Variants in CTNNA2 observed in about 807,000 individuals in gnomAD.
CTNNA2 encodes the protein catenin alpha 2.
A neutral mutation model predicts 101.0 loss-of-function variants in CTNNA2; 42 were observed. The ratio of observed to expected loss-of-function variants is 0.42; its 90% CI spans 0.32 to 0.54. The LOEUF (loss-of-function observed/expected upper bound fraction) is 0.54, where lower values mean the gene tolerates loss of function less well. Ranked by LOEUF, CTNNA2 falls within the 20% of genes least tolerant of loss-of-function variation. The pLI, the probability that CTNNA2 is intolerant of heterozygous loss-of-function variation, is 0.14. For synonymous variants in CTNNA2, 450 were observed against 456.4 expected, an observed-to-expected ratio of 0.99 and a Z score of 0.18; for missense variants, 871 against 1,223.1, an observed-to-expected ratio of 0.71 and a Z score of 4.29.
chr2:79,658,104 AG>A (rs1348553271), intron 2 of CTNNA2, among the ~76,000 whole-genome samples: 2 of 151,964 alleles, frequency 1.3e-5, no homozygotes, highest in Non-Finnish European at 2.9e-5. Flanking sequence ...AAAAATTATA[AG>A]GTCAATTATT....
intron 2 of CTNNA2, among the ~76,000 whole-genome samples, chr2:79,730,491 C>T (rs1003898560): frequency 1.3e-5 from 2 of 151,870 alleles, no homozygotes; most frequent in Non-Finnish European, 1.5e-5. Context: ...TTGTGTTAAA[C>T]TTATCTCCCT....
chr2:80,399,203 G>A (rs115274094), intron 8 of CTNNA2, among the ~76,000 whole-genome samples: 2,245 of 151,722 alleles, frequency 0.015, 41 homozygotes, highest in African/African-American at 0.036. Context: ...GTACAGTCAC[G>A]CTACCTCTAC....
intron 7 of CTNNA2, among the ~76,000 whole-genome samples, chr2:79,930,300 GAAAGAA>G (rs1295289536): frequency 0.012 from 413 of 34,418 alleles, 3 homozygotes; most frequent in African/African-American, 0.049. Context: ...GAAAGAGAAA[GAAAGAA>G]AGAAAGAAAG....
intron 4 of CTNNA2, among the ~76,000 whole-genome samples, chr2:79,464,445 C>T (rs1217804323): frequency 3.3e-5 from 5 of 152,140 alleles, no homozygotes; most frequent in South Asian, 4.1e-4. Context: ...ACTAAACATA[C>T]GTGGGCATGT....
chr2:79,522,586 G>A (rs1315992673), intron 1 of CTNNA2, among the ~76,000 whole-genome samples: 3 of 152,186 alleles, frequency 2.0e-5, no homozygotes, highest in Admixed American at 6.5e-5. Context: ...TATGGAGGAG[G>A]GGGTGACCTT....
At chr2:80,220,263 C>T (rs184431348) in intron 7 of CTNNA2, among the ~76,000 whole-genome samples, 6 of 152,368 alleles carry the variant, frequency 3.9e-5, no homozygotes, top group Non-Finnish European at 8.8e-5. Flanking sequence ...GCTCCTCTCT[C>T]CCCAGTCTCC....
rs144323018 is a variant in CTNNA2, at chr2:79,370,832, C to T, written c.-317-2999C>T. ...ATAATTTACAGAGTCCAGATGTAGT[C>T]CTCGCCTTTTTCTCCACCCTTTTGA... On this transcript the variant is annotated intron_variant, in intron 3 of 21. Coordinates refer to the CTNNA2 transcript ENST00000466387. Among the ~76,000 whole-genome samples the T allele has an allele frequency of 2.5e-3, 375 of 152,246 alleles. 2 individuals are homozygous for T. Among genetic ancestry groups the T allele is most frequent in the African/African-American group, 7.9e-3 (330 of 41,528 alleles).
intron 7 of CTNNA2, among the ~76,000 whole-genome samples, chr2:80,102,870 G>A (rs568721740): frequency 6.6e-6 from 1 of 152,272 alleles, no homozygotes; most frequent in South Asian, 2.1e-4. Flanking sequence ...GGATAAAAGG[G>A]TGATCGTGAC....
At chr2:79,527,609 G>A (rs1041257054) in intron 1 of CTNNA2, among the ~76,000 whole-genome samples, 2 of 151,214 alleles carry the variant, frequency 1.3e-5, no homozygotes, top group African/African-American at 4.9e-5. Context: ...GGCGCCATCT[G>A]AGACTTTGTC....
At chr2:79,606,797 T>A (rs1677924386) in intron 1 of CTNNA2, among the ~76,000 whole-genome samples, 1 of 152,152 alleles carries the variant, frequency 6.6e-6, no homozygotes, top group Admixed American at 6.5e-5. Flanking sequence ...AACTAAACAA[T>A]GTTAATAAGC....
chr2:80,163,795 G>A (rs1704487230), intron 7 of CTNNA2, among the ~76,000 whole-genome samples: 2 of 151,646 alleles, frequency 1.3e-5, no homozygotes. Flanking sequence ...TTATAACTCT[G>A]GTTTTTAATA....
At chr2:80,147,455 CTGT>C (rs1281623181) in intron 7 of CTNNA2, among the ~76,000 whole-genome samples, 2 of 152,102 alleles carry the variant, frequency 1.3e-5, no homozygotes, top group African/African-American at 4.8e-5. Flanking sequence ...GATATAAATG[CTGT>C]TGTTGGGAAC....
intron 1 of CTNNA2, among the ~76,000 whole-genome samples, chr2:79,564,530 C>T (rs564543200): frequency 9.9e-5 from 15 of 152,174 alleles, no homozygotes; most frequent in Admixed American, 7.2e-4. Context: ...AGGGGGCTTA[C>T]GCATTCTTAG....
intron 7 of CTNNA2, among the ~76,000 whole-genome samples, chr2:80,343,486 T>C (rs1672428702): frequency 6.6e-6 from 1 of 151,916 alleles, no homozygotes; most frequent in Admixed American, 6.6e-5. Flanking sequence ...AATGATTATA[T>C]AATTGGGAAG....
intron 9 of CTNNA2, among the ~76,000 whole-genome samples, chr2:80,482,199 C>T (rs1428840431): frequency 1.3e-5 from 2 of 152,122 alleles, no homozygotes; most frequent in African/African-American, 4.8e-5. Flanking sequence ...TCCCAAAAGT[C>T]TGTCAGACAT....
At chr2:80,106,567 A>G (rs898747214) in intron 7 of CTNNA2, among the ~76,000 whole-genome samples, 3 of 152,130 alleles carry the variant, frequency 2.0e-5, no homozygotes, top group African/African-American at 7.2e-5. Flanking sequence ...ACACTCCACA[A>G]GTAGTAGCTC....
intron 7 of CTNNA2, among the ~76,000 whole-genome samples, chr2:80,150,893 G>A (rs1486695795): frequency 6.6e-6 from 1 of 152,108 alleles, no homozygotes; most frequent in Non-Finnish European, 1.5e-5. Context: ...TTAATGTGAG[G>A]GATGGTCGTG....
chr2:80,566,414 C>G (rs1340424795), intron 12 of CTNNA2, among the ~76,000 whole-genome samples: 4 of 152,178 alleles, frequency 2.6e-5, no homozygotes, highest in African/African-American at 4.8e-5. Context: ...GGGGCCCTCT[C>G]AGAGGCATCT....
At chr2:79,711,462 G>C (rs1390418840) in intron 2 of CTNNA2, among the ~76,000 whole-genome samples, 1 of 152,142 alleles carries the variant, frequency 6.6e-6, no homozygotes, top group African/African-American at 2.4e-5. Context: ...GCAGAAGGGA[G>C]GAACTGAGAT....
Sources: allele counts gnomAD v4.1 joint callset (sites outside exome capture counted in the v4.1 genomes callset), GRCh38; gene constraint gnomAD v4.1.1; transcripts MANE v1.5; gene names NCBI Gene and HGNC (gene_info 2026-07-23, HGNC 2026-07-21).